Variants in NKAIN2 observed in about 807,000 individuals in gnomAD.
The protein encoded by NKAIN2 is sodium/potassium transporting ATPase interacting 2.
Under a neutral mutation model 32.6 loss-of-function variants are expected in NKAIN2, and 14 were observed. That is an observed-to-expected ratio of 0.43 (90% CI 0.28 to 0.67). The LOEUF (loss-of-function observed/expected upper bound fraction) is 0.67, where lower values mean the gene tolerates loss of function less well. Among genes scored for constraint, NKAIN2 ranks in the 30% least tolerant of loss-of-function variants. NKAIN2 has a pLI of 0.17. For missense variants in NKAIN2, 198 were observed against 258.3 expected (o/e 0.77, Z 1.60); for synonymous variants, 80 against 87.2 (o/e 0.92, Z 0.46).
chr6:124,484,929 A>G (rs759711417), intron 3 of NKAIN2, among the ~76,000 whole-genome samples: 1 of 152,178 alleles, frequency 6.6e-6, no homozygotes, highest in Non-Finnish European at 1.5e-5. Flanking sequence ...AGTCCCTGCT[A>G]GCATATAAAA....
At chr6:124,591,823 G>A (rs950883185) in intron 3 of NKAIN2, among the ~76,000 whole-genome samples, 7 of 152,194 alleles carry the variant, frequency 4.6e-5, no homozygotes, top group African/African-American at 1.7e-4. Flanking sequence ...TGTCCTCTTG[G>A]AGCTTACAGT....
At chr6:124,607,023 A>G (rs1159019862) in intron 3 of NKAIN2, among the ~76,000 whole-genome samples, 1 of 152,170 alleles carries the variant, frequency 6.6e-6, no homozygotes, top group African/African-American at 2.4e-5. Context: ...AATTGAAAAT[A>G]TGGAGTGGAT....
At chr6:124,039,159 A>G (rs898499874) in intron 1 of NKAIN2, among the ~76,000 whole-genome samples, 4 of 152,076 alleles carry the variant, frequency 2.6e-5, no homozygotes, top group Non-Finnish European at 5.9e-5. Context: ...CTAAATATTA[A>G]TGTTACCAAT....
chr6:124,669,275 A>G (rs1247399541), intron 4 of NKAIN2, among the ~76,000 whole-genome samples: 2 of 152,132 alleles, frequency 1.3e-5, no homozygotes, highest in African/African-American at 4.8e-5. Flanking sequence ...CACTCAACAG[A>G]TATTCACTGA....
chr6:123,870,320 T>C (rs1288434290), intron 1 of NKAIN2, among the ~76,000 whole-genome samples: 3 of 152,146 alleles, frequency 2.0e-5, no homozygotes, highest in Non-Finnish European at 4.4e-5. Context: ...TCATTTCAAC[T>C]CTGATTGATT....
chr6:124,431,638 T>C (rs1775220774), intron 3 of NKAIN2, among the ~76,000 whole-genome samples: 1 of 152,186 alleles, frequency 6.6e-6, no homozygotes, highest in African/African-American at 2.4e-5. Context: ...ATATAACATC[T>C]ATGGAAAATA....
intron 1 of NKAIN2, among the ~76,000 whole-genome samples, chr6:124,062,898 T>C (rs923556821): frequency 3.3e-5 from 5 of 152,136 alleles, no homozygotes; most frequent in African/African-American, 4.8e-5. Context: ...ATTTTTAAGA[T>C]ATTTGGTATT....
At chr6:124,719,757 G>A (rs1012730240) in intron 4 of NKAIN2, among the ~76,000 whole-genome samples, 5 of 151,342 alleles carry the variant, frequency 3.3e-5, no homozygotes, top group Admixed American at 6.6e-5. Context: ...GTTTGTATGC[G>A]CAGGCATAGT....
At chr6:124,350,062 A>G (rs1798641373) in intron 2 of NKAIN2, among the ~76,000 whole-genome samples, 1 of 152,212 alleles carries the variant, frequency 6.6e-6, no homozygotes, top group South Asian at 2.1e-4. Context: ...AAATGAGGCT[A>G]AAACAAAATT....
intron 3 of NKAIN2, among the ~76,000 whole-genome samples, chr6:124,638,468 A>G (rs1363798958): frequency 6.6e-6 from 1 of 152,246 alleles, no homozygotes; most frequent in Non-Finnish European, 1.5e-5. Context: ...AAAAGAGTGA[A>G]GAGATAACCA....
chr6:123,936,144 G>T (rs1776499187), intron 1 of NKAIN2, among the ~76,000 whole-genome samples: 1 of 152,232 alleles, frequency 6.6e-6, no homozygotes, highest in Admixed American at 6.5e-5. Context: ...CTTCATTTTG[G>T]CCTTGAAGAT....
chr6:124,274,858 T>C (rs1794955602), intron 1 of NKAIN2, among the ~76,000 whole-genome samples: 1 of 152,012 alleles, frequency 6.6e-6, no homozygotes, highest in South Asian at 2.1e-4. Flanking sequence ...ACCCTATTAC[T>C]GAAAATCAAG....
At chr6:123,991,832 A>G (rs907914166) in intron 1 of NKAIN2, among the ~76,000 whole-genome samples, 4 of 152,108 alleles carry the variant, frequency 2.6e-5, no homozygotes, top group Admixed American at 2.6e-4. Flanking sequence ...ACTGCACTCC[A>G]CAGCCTGGGC....
rs868414364 is a variant in NKAIN2, at chr6:123,948,883, G to A, written c.54+144629G>A. 5.9e-5 allele frequency among the ~76,000 whole-genome samples: 9 copies of A among 151,682 alleles called. No individual in the cohort carries two copies. The South Asian group carries it at 1.0e-3, about 17-fold the overall frequency. ...TCCCTTATGTTTTATTTTAGTAGTT[G>A]TATTGTTTTAGGTCTCACATTTAAG... On this transcript the variant is annotated intron_variant, in intron 1 of 6. Transcript: ENST00000368417.
At chr6:124,458,838 C>T (rs572222476) in intron 3 of NKAIN2, among the ~76,000 whole-genome samples, 1 of 151,640 alleles carries the variant, frequency 6.6e-6, no homozygotes, top group Admixed American at 6.6e-5. Flanking sequence ...CTACTAGGAG[C>T]GTGTTTTGAA....
intron 3 of NKAIN2, among the ~76,000 whole-genome samples, chr6:124,546,965 G>T (rs2114857645): frequency 6.6e-6 from 1 of 152,254 alleles, no homozygotes; most frequent in African/African-American, 2.4e-5. Context: ...AATGTGAAGT[G>T]CACAGTCAAC....
chr6:124,246,420 T>C (rs2114793649), intron 1 of NKAIN2, among the ~76,000 whole-genome samples: 1 of 152,134 alleles, frequency 6.6e-6, no homozygotes, highest in South Asian at 2.1e-4. Context: ...CAACACTGGG[T>C]CTCTAGACAT....
intron 1 of NKAIN2, among the ~76,000 whole-genome samples, chr6:123,980,344 T>A (rs1227625929): frequency 6.6e-6 from 1 of 152,186 alleles, no homozygotes; most frequent in Non-Finnish European, 1.5e-5. Flanking sequence ...GTTATTTTAA[T>A]CAAAAAGGTC....
intron 3 of NKAIN2, among the ~76,000 whole-genome samples, chr6:124,417,776 G>T (rs2114522567): frequency 6.6e-6 from 1 of 152,258 alleles, no homozygotes; most frequent in South Asian, 2.1e-4. Context: ...GCCTGGAGTT[G>T]TCAAGTGAAA....
Sources: gnomAD v4.1 joint callset for allele counts (sites outside exome capture counted in the v4.1 genomes callset) on GRCh38, gnomAD v4.1.1 for gene constraint, MANE v1.5 for transcripts, NCBI Gene and HGNC (gene_info 2026-07-23, HGNC 2026-07-21) for gene names.